CDH13: variants seen among roughly 807,000 people sequenced by gnomAD.
CDH13 encodes cadherin-13.
In CDH13, 24 loss-of-function variants were observed where a neutral mutation model predicts 63.8. That is an observed-to-expected ratio of 0.38 (90% CI 0.27 to 0.53). CDH13 has a LOEUF of 0.53. Ranked by LOEUF, CDH13 falls within the 20% of genes least tolerant of loss-of-function variation. The probability of loss-of-function intolerance (pLI) is 0.85; values close to 1 mark genes in which losing one functional copy is unlikely to be tolerated. For missense variants in CDH13, 1,049 were observed against 903.1 expected (o/e 1.16, Z -2.07); for synonymous variants, 503 against 355.3 (o/e 1.42, Z -4.67).
At chr16:82,996,638 A>G (rs1010938559) in intron 2 of CDH13, among the ~76,000 whole-genome samples, 6 of 152,254 alleles carry the variant, frequency 3.9e-5, no homozygotes, top group Admixed American at 1.3e-4. Flanking sequence ...TAGCCTTGTA[A>G]TAAAAATGAG....
chr16:83,392,184 C>G (rs1198201252), intron 6 of CDH13, among the ~76,000 whole-genome samples: 4 of 152,198 alleles, frequency 2.6e-5, no homozygotes, highest in Non-Finnish European at 5.9e-5. Context: ...ATCCTGGCCC[C>G]ACTGCCTCAT....
At chr16:82,903,939 T>C (rs1174684101) in intron 2 of CDH13, among the ~76,000 whole-genome samples, 1 of 152,202 alleles carries the variant, frequency 6.6e-6, no homozygotes, top group African/African-American at 2.4e-5. Flanking sequence ...AGTCTGTCTG[T>C]CTGCTTCTCT....
chr16:83,125,581 G>A, intron 4 of CDH13, 80 bp downstream of exon 4: 1 of 736,954 alleles, frequency 1.4e-6, no homozygotes, highest in South Asian at 1.7e-5. Context: ...GACTGTCTTG[G>A]TGACCAGCTG....
At chr16:83,203,948 G>A (rs1447853157) in intron 4 of CDH13, among the ~76,000 whole-genome samples, 1 of 152,210 alleles carries the variant, frequency 6.6e-6, no homozygotes, top group Non-Finnish European at 1.5e-5. Context: ...CAGGGGGTGT[G>A]AGAAGTTAAA....
At chr16:83,646,008 A>C (rs1383928861) in intron 8 of CDH13, among the ~76,000 whole-genome samples, 2 of 152,178 alleles carry the variant, frequency 1.3e-5, no homozygotes, top group African/African-American at 4.8e-5. Context: ...GGTTTGCTCC[A>C]CATCCAGCCT....
In CDH13 at chr16:82,652,481, C is replaced by T. The variant is rs562959443; in HGVS notation, c.45+25344C>T. Among the ~76,000 whole-genome samples the T allele has an allele frequency of 6.6e-5, 10 of 152,306 alleles. 1 individual carries two copies. In the South Asian group the frequency reaches 1.4e-3, roughly 22 times the overall value. On this transcript the variant is annotated intron_variant, in intron 1 of 13. Coordinates refer to ENST00000567109, the MANE Select transcript of CDH13 (RefSeq NM_001257.5). Reference sequence around the variant, plus strand: ...GATAGACAGGTGGTTGCTGTCACTGCACCAGCAGCTTTTGAAGTTTGCTCA... The same window carrying T: ...GATAGACAGGTGGTTGCTGTCACTGTACCAGCAGCTTTTGAAGTTTGCTCA...
chr16:83,169,220 A>C (rs185956593), intron 4 of CDH13, among the ~76,000 whole-genome samples: 52 of 151,280 alleles, frequency 3.4e-4, no homozygotes, highest in African/African-American at 1.0e-3. Context: ...CTTTGTCGCC[A>C]GGCTGGAGTG....
At chr16:83,474,326 G>C (rs1011478026) in intron 6 of CDH13, among the ~76,000 whole-genome samples, 1 of 152,170 alleles carries the variant, frequency 6.6e-6, no homozygotes, top group Non-Finnish European at 1.5e-5. Flanking sequence ...CTGTAAGGTT[G>C]TGTATGTTGC....
chr16:83,298,496 G>T (rs563949039), intron 5 of CDH13, among the ~76,000 whole-genome samples: 11 of 152,294 alleles, frequency 7.2e-5, no homozygotes, highest in African/African-American at 2.6e-4. Context: ...CTCACAGAGA[G>T]AAAGGGAACT....
chr16:82,955,630 T>C (rs1597288702), intron 2 of CDH13, among the ~76,000 whole-genome samples: 2 of 152,328 alleles, frequency 1.3e-5, no homozygotes, highest in East Asian at 3.9e-4. Context: ...TCAGTCACTG[T>C]GTTAGGTGCT....
chr16:83,507,805 C>G (rs945377853), intron 7 of CDH13, among the ~76,000 whole-genome samples: 17 of 151,924 alleles, frequency 1.1e-4, no homozygotes, highest in Admixed American at 3.3e-4. Flanking sequence ...AAGGCCGAGG[C>G]AGGCAGATCA....
At chr16:83,579,727 T>C (rs193198058) in intron 7 of CDH13, among the ~76,000 whole-genome samples, 157 of 152,222 alleles carry the variant, frequency 1.0e-3, no homozygotes, top group Non-Finnish European at 1.9e-3. Flanking sequence ...CTGATGTGAA[T>C]GGAGTCACAG....
chr16:83,025,846 G>C (rs949553595), intron 2 of CDH13, among the ~76,000 whole-genome samples: 1 of 152,154 alleles, frequency 6.6e-6, no homozygotes, highest in African/African-American at 2.4e-5. Context: ...TAAGGTCCTG[G>C]TTCCTGGCTC....
chr16:83,084,641 C>G (rs557223973), intron 3 of CDH13, among the ~76,000 whole-genome samples: 2 of 152,296 alleles, frequency 1.3e-5, no homozygotes, highest in Admixed American at 6.5e-5. Flanking sequence ...GTAATCCCAA[C>G]ACATCCGGAG....
chr16:82,659,413 G>T (rs1322998873), intron 1 of CDH13, among the ~76,000 whole-genome samples: 1 of 152,180 alleles, frequency 6.6e-6, no homozygotes, highest in Non-Finnish European at 1.5e-5. Flanking sequence ...CGGGACTCTG[G>T]TTGAGTCTAG....
chr16:83,086,544 A>G (rs2033607609), intron 3 of CDH13, among the ~76,000 whole-genome samples: 1 of 152,176 alleles, frequency 6.6e-6, no homozygotes, highest in Admixed American at 6.5e-5. Flanking sequence ...GTTAGTCCAA[A>G]TTGGATTCCC....
chr16:83,032,356 ACTCT>A, intron 3 of CDH13, 138 bp downstream of exon 3: 1 of 692,536 alleles, frequency 1.4e-6, no homozygotes, highest in Non-Finnish European at 2.4e-6. Context: ...CAGAAATCCA[ACTCT>A]AAAAATGTAG....
intron 3 of CDH13, among the ~76,000 whole-genome samples, chr16:83,118,089 A>G (rs1219899616): frequency 6.6e-6 from 1 of 152,186 alleles, no homozygotes; most frequent in Non-Finnish European, 1.5e-5. Flanking sequence ...GCAAGGCTGG[A>G]TGAGGCTGCA....
At chr16:83,010,760 A>T (rs1167498361) in intron 2 of CDH13, among the ~76,000 whole-genome samples, 1 of 152,178 alleles carries the variant, frequency 6.6e-6, no homozygotes, top group Non-Finnish European at 1.5e-5. Context: ...GGGTTTGTGA[A>T]CCTATGATTA....
Sources: gnomAD v4.1 joint callset for allele counts (sites outside exome capture counted in the v4.1 genomes callset) on GRCh38, gnomAD v4.1.1 for gene constraint, MANE v1.5 for transcripts, NCBI Gene and HGNC (gene_info 2026-07-23, HGNC 2026-07-21) for gene names.